PCGF6: variants seen among roughly 807,000 people sequenced by gnomAD.
The protein encoded by PCGF6 is polycomb group ring finger 6, also known as polycomb group RING finger protein 6.
In PCGF6, 24 loss-of-function variants were observed where a neutral mutation model predicts 45.5. The ratio of observed to expected loss-of-function variants is 0.53; its 90% CI spans 0.38 to 0.74. PCGF6 has a LOEUF of 0.74. Among genes scored for constraint, PCGF6 ranks in the 30% least tolerant of loss-of-function variants. The pLI is 0.00. For synonymous variants in PCGF6, 152 were observed against 162.1 expected (o/e 0.94, Z 0.47); for missense variants, 356 against 443.2 (o/e 0.80, Z 1.77).
chr10:103,339,867 A>ACACAC (rs2093273708), intron 6 of PCGF6, among the ~76,000 whole-genome samples: 1 of 135,058 alleles, frequency 7.4e-6, no homozygotes, highest in African/African-American at 2.8e-5. Flanking sequence ...ACACACACAC[A>ACACAC]AAAGCATCTT....
intron 9 of PCGF6, among the ~76,000 whole-genome samples, chr10:103,305,647 G>C (rs1356293033): frequency 6.6e-6 from 1 of 152,066 alleles, no homozygotes; most frequent in Non-Finnish European, 1.5e-5. Context: ...TCGCAGATCT[G>C]TTCACTTCCA....
chr10:103,345,325 C>T (rs1337613742), intron 5 of PCGF6, among the ~76,000 whole-genome samples, 193 bp from the exon 6 acceptor site: 2 of 152,144 alleles, frequency 1.3e-5, no homozygotes, highest in Non-Finnish European at 2.9e-5. Flanking sequence ...GGGACCACTC[C>T]ACAATGGAAG....
chr10:103,322,619 G>C (rs1285314328), intron 8 of PCGF6, among the ~76,000 whole-genome samples: 1 of 151,142 alleles, frequency 6.6e-6, no homozygotes, highest in Non-Finnish European at 1.5e-5. Context: ...CCAGGAGTTT[G>C]AGACCAGCCT....
intron 6 of PCGF6, among the ~76,000 whole-genome samples, chr10:103,340,958 G>A (rs373348911): frequency 6.6e-5 from 10 of 152,030 alleles, no homozygotes; most frequent in Admixed American, 3.3e-4. Flanking sequence ...TTACAGGCGC[G>A]GTGGCTCACG....
At chr10:103,311,980 G>A (rs2093158930) in intron 9 of PCGF6, among the ~76,000 whole-genome samples, 1 of 150,996 alleles carries the variant, frequency 6.6e-6, no homozygotes, top group African/African-American at 2.4e-5. Flanking sequence ...CAGCTACTTG[G>A]CAGGCTGAGG....
At chr10:103,317,845 C>G (rs2093181742) in intron 8 of PCGF6, among the ~76,000 whole-genome samples, 1 of 151,492 alleles carries the variant, frequency 6.6e-6, no homozygotes, top group Non-Finnish European at 1.5e-5. Context: ...CAAACTCTGC[C>G]TCTCCTGGGT....
intron 8 of PCGF6, among the ~76,000 whole-genome samples, chr10:103,317,684 TA>T (rs919559697): frequency 4.7e-5 from 7 of 150,168 alleles, no homozygotes; most frequent in South Asian, 2.1e-4. Context: ...GTAACAAACT[TA>T]AAAAAAATTG....
chr10:103,326,793 C>T (rs1292182189), intron 7 of PCGF6, among the ~76,000 whole-genome samples, 161 bp from the exon 8 acceptor site: 1 of 152,102 alleles, frequency 6.6e-6, no homozygotes, highest in Non-Finnish European at 1.5e-5. Context: ...AGTTAATACA[C>T]ATATCAGAGA....
At chr10:103,345,732 A>G (rs989090856) in intron 5 of PCGF6, among the ~76,000 whole-genome samples, 2 of 151,602 alleles carry the variant, frequency 1.3e-5, no homozygotes, top group African/African-American at 2.4e-5. Context: ...GGAGGCTGAG[A>G]CAGGAGGACC....
At chr10:103,349,175 G>A (rs535673225) in intron 1 of PCGF6, among the ~76,000 whole-genome samples, 176 bp from the exon 2 acceptor site, 1 of 151,830 alleles carries the variant, frequency 6.6e-6, no homozygotes, top group Non-Finnish European at 1.5e-5. Context: ...AGCCTCCCGA[G>A]TAGCTGGGAT....
At chr10:103,318,245 C>T (rs2093183406) in intron 8 of PCGF6, among the ~76,000 whole-genome samples, 1 of 148,626 alleles carries the variant, frequency 6.7e-6, no homozygotes, top group African/African-American at 2.5e-5. Context: ...GAGTTCGAGA[C>T]CAGCTTGGCC....
chr10:103,347,277 C>T lies in PCGF6; in HGVS notation c.634G>A (p.Asp212Asn). 4 of 1,609,580 alleles carry T rather than the reference C, an allele frequency of 2.5e-6. No individual in the cohort carries two copies. Among genetic ancestry groups the T allele is most frequent in the East Asian group, 4.5e-5 (2 of 44,750 alleles). ...TCTAGACCTCTTTCTTTATAGAAAT[C>T]ATGCATTTGCTTTTTTTCTCCTAAA... The part of the protein sequence containing the change: ...LEEREKKQMH[D>N]FYKERGLEVP... The change falls in exon 5 of 10, where the codon GAT becomes AAT. Residue 212 changes from aspartate to asparagine, a missense_variant. Physicochemically the swap from Asp to Asn is conservative, Grantham distance 23 (BLOSUM62 1). Coordinates refer to ENST00000369847, the MANE Select transcript of PCGF6 (RefSeq NM_001011663.2).
intron 7 of PCGF6, among the ~76,000 whole-genome samples, chr10:103,331,572 T>TA (rs904799751): frequency 1.3e-5 from 2 of 152,180 alleles, no homozygotes; most frequent in Admixed American, 1.3e-4. Context: ...TTGAGATTAT[T>TA]AAAAATACAT....
intron 2 of PCGF6, 31 bp from the exon 3 acceptor site, chr10:103,348,843 C>T: frequency 1.2e-6 from 2 of 1,601,816 alleles, no homozygotes; most frequent in Non-Finnish European, 1.7e-6. Context: ...AGTCAGGATG[C>T]TTTCAAGACA....
chr10:103,344,230 C>T (rs565336707), intron 6 of PCGF6, among the ~76,000 whole-genome samples: 21 of 150,508 alleles, frequency 1.4e-4, no homozygotes, highest in Non-Finnish European at 1.3e-4. Flanking sequence ...TAGATATACA[C>T]GTGGCAACCA....
At chr10:103,320,601 C>T (rs901643192) in intron 8 of PCGF6, among the ~76,000 whole-genome samples, 1 of 152,026 alleles carries the variant, frequency 6.6e-6, no homozygotes, top group Admixed American at 6.6e-5. Context: ...GCAGGATAAT[C>T]GCTTGAACCC....
intron 7 of PCGF6, among the ~76,000 whole-genome samples, chr10:103,330,999 C>T (rs1320675877): frequency 2.0e-5 from 3 of 152,168 alleles, no homozygotes; most frequent in Non-Finnish European, 4.4e-5. Context: ...AAGCCTCTGA[C>T]AACCACTAAT....
intron 5 of PCGF6, among the ~76,000 whole-genome samples, chr10:103,345,934 A>C (rs910887184): frequency 9.6e-5 from 14 of 145,222 alleles, no homozygotes; most frequent in African/African-American, 3.1e-4. Flanking sequence ...GGCTCATGCC[A>C]GTAATCCCAG....
chr10:103,344,510 C>T (rs1190550784), intron 6 of PCGF6, among the ~76,000 whole-genome samples: 1 of 151,806 alleles, frequency 6.6e-6, no homozygotes, highest in African/African-American at 2.4e-5. Flanking sequence ...CCTCGTGATC[C>T]GCCCACCTCA....
Sources: allele counts gnomAD v4.1 joint callset (sites outside exome capture counted in the v4.1 genomes callset), GRCh38; gene constraint gnomAD v4.1.1; transcripts MANE v1.5; gene names NCBI Gene and HGNC (gene_info 2026-07-23, HGNC 2026-07-21).